SORCS3: variants seen among roughly 807,000 people sequenced by gnomAD.
SORCS3 encodes VPS10 domain-containing receptor SorCS3.
SORCS3 carries 57 observed loss-of-function variants against 146.3 expected under a neutral mutation model. The ratio of observed to expected loss-of-function variants is 0.39; its 90% CI spans 0.31 to 0.49. The LOEUF is 0.49. Ranked by LOEUF, SORCS3 falls within the 20% of genes least tolerant of loss-of-function variation. SORCS3 has a pLI of 0.92. For missense variants in SORCS3, 1,341 were observed against 1,575.5 expected (o/e 0.85, Z 2.52); for synonymous variants, 653 against 618.5 (o/e 1.06, Z -0.83).
At position 104,887,966 on chromosome 10, in the gene SORCS3, GC is replaced by G. The variant is rs1352137319; in HGVS notation, c.696-27866del. Among the ~76,000 whole-genome samples the G allele has an allele frequency of 8.4e-3, 984 of 117,702 alleles. 65 individuals carry two copies. Among genetic ancestry groups the G allele is most frequent in the African/African-American group, 0.034 (776 of 22,930 alleles). 77.2% of individuals were successfully genotyped at this position (117,702 alleles called of 152,430 possible). On this transcript the variant is annotated intron_variant, in intron 2 of 26. Transcript: ENST00000369701. ...CCAGCAACATGGTGGGGGCGGGGGG[GC>G]GGGGGCGGAGCAAGCCCATGAAGAC...
chr10:104,860,725 T>C (rs1216020334), intron 2 of SORCS3, among the ~76,000 whole-genome samples: 2 of 152,102 alleles, frequency 1.3e-5, no homozygotes, highest in Non-Finnish European at 2.9e-5. Context: ...TAAAAATAGG[T>C]AAACACTGTT....
chr10:104,958,805 T>C (rs1229405411), intron 3 of SORCS3, among the ~76,000 whole-genome samples: 2 of 152,048 alleles, frequency 1.3e-5, no homozygotes, highest in African/African-American at 4.8e-5. Context: ...GAACTTACAA[T>C]GATGGTGGAA....
chr10:105,086,797 A>G (rs2055663752), intron 5 of SORCS3, among the ~76,000 whole-genome samples: 1 of 152,226 alleles, frequency 6.6e-6, no homozygotes, highest in African/African-American at 2.4e-5. Context: ...TTGCTTGTAG[A>G]TTCTTGATAT....
intron 2 of SORCS3, among the ~76,000 whole-genome samples, chr10:104,857,409 G>T (rs930513052): frequency 1.3e-5 from 2 of 152,094 alleles, no homozygotes; most frequent in Non-Finnish European, 2.9e-5. Context: ...GGGAGAAATT[G>T]TAAGCAAGGA....
intron 1 of SORCS3, among the ~76,000 whole-genome samples, chr10:104,787,782 C>T (rs750329): frequency 0.024 from 3,661 of 152,230 alleles, 160 homozygotes; most frequent in African/African-American, 0.083. Context: ...ACCCTGGCCC[C>T]GAATCCCCAG....
intron 1 of SORCS3, among the ~76,000 whole-genome samples, chr10:104,755,237 ATACAGCTG>A (rs2017036675): frequency 6.6e-6 from 1 of 152,238 alleles, no homozygotes; most frequent in Non-Finnish European, 1.5e-5. Flanking sequence ...TCAATGATTC[ATACAGCTG>A]TTCTGCAAGG....
At chr10:104,778,835 C>G (rs1490994775) in intron 1 of SORCS3, among the ~76,000 whole-genome samples, 1 of 152,060 alleles carries the variant, frequency 6.6e-6, no homozygotes, top group African/African-American at 2.4e-5. Flanking sequence ...TGTGGACCTG[C>G]AAAAGGTCCA....
intron 1 of SORCS3, among the ~76,000 whole-genome samples, chr10:104,841,623 G>A (rs534378625): frequency 6.6e-6 from 1 of 152,236 alleles, no homozygotes; most frequent in South Asian, 2.1e-4. Flanking sequence ...GCATTTTGTT[G>A]TTAGTTAAGT....
chr10:104,913,276 G>T (rs556177804), intron 2 of SORCS3, among the ~76,000 whole-genome samples: 1 of 152,146 alleles, frequency 6.6e-6, no homozygotes, highest in Non-Finnish European at 1.5e-5. Flanking sequence ...TTGGGGGATC[G>T]TTGAAACATG....
intron 9 of SORCS3, among the ~76,000 whole-genome samples, chr10:105,155,814 G>A (rs2056203665): frequency 6.6e-6 from 1 of 152,100 alleles, no homozygotes; most frequent in Non-Finnish European, 1.5e-5. Flanking sequence ...CAATTCCATT[G>A]TTGGCCCTTT....
intron 14 of SORCS3, among the ~76,000 whole-genome samples, chr10:105,194,090 G>A (rs1383733025): frequency 6.6e-6 from 1 of 152,034 alleles, no homozygotes; most frequent in Non-Finnish European, 1.5e-5. Context: ...CATTTATTTT[G>A]TTCCTGTGGT....
At chr10:105,126,987 C>G (rs940176890) in intron 7 of SORCS3, among the ~76,000 whole-genome samples, 10 of 152,076 alleles carry the variant, frequency 6.6e-5, no homozygotes, top group African/African-American at 1.2e-4. Flanking sequence ...GGTGACAGCT[C>G]CATGACCCAT....
At chr10:105,163,678 C>T (rs1286987696) in intron 11 of SORCS3, among the ~76,000 whole-genome samples, 1 of 152,108 alleles carries the variant, frequency 6.6e-6, no homozygotes, top group African/African-American at 2.4e-5. Flanking sequence ...ATGGAAGCAG[C>T]AAGTATGGTT....
chr10:105,254,695 A>G (rs1341013644), intron 23 of SORCS3, among the ~76,000 whole-genome samples: 2 of 151,882 alleles, frequency 1.3e-5, no homozygotes, highest in Non-Finnish European at 2.9e-5. Context: ...GCTACTCAGG[A>G]GGCTGAGGCA....
chr10:105,095,975 T>G (rs1297116525), intron 6 of SORCS3, among the ~76,000 whole-genome samples: 1 of 152,142 alleles, frequency 6.6e-6, no homozygotes, highest in Non-Finnish European at 1.5e-5. Context: ...TACGCAAATA[T>G]TAATATAGAA....
intron 4 of SORCS3, among the ~76,000 whole-genome samples, chr10:105,025,457 A>G (rs1377675912): frequency 2.0e-5 from 3 of 152,088 alleles, no homozygotes; most frequent in Non-Finnish European, 4.4e-5. Context: ...TCTAGAAGCA[A>G]TTTAATCATC....
At chr10:104,708,815 A>G (rs1409230477) in intron 1 of SORCS3, among the ~76,000 whole-genome samples, 1 of 152,180 alleles carries the variant, frequency 6.6e-6, no homozygotes. Flanking sequence ...TTGCCAGCTC[A>G]TGCTTTGCTC....
At chr10:105,070,837 A>T (rs529872496) in intron 5 of SORCS3, among the ~76,000 whole-genome samples, 9 of 152,212 alleles carry the variant, frequency 5.9e-5, no homozygotes, top group Non-Finnish European at 1.3e-4. Flanking sequence ...AGCAGAATTC[A>T]TTCTCAGCAA....
chr10:104,707,673 G>A (rs1470936616), intron 1 of SORCS3, among the ~76,000 whole-genome samples: 1 of 152,200 alleles, frequency 6.6e-6, no homozygotes, highest in East Asian at 1.9e-4. Context: ...CCATGCAGGG[G>A]TTGAGATACC....
Sources: allele counts gnomAD v4.1 joint callset (sites outside exome capture counted in the v4.1 genomes callset), GRCh38; gene constraint gnomAD v4.1.1; transcripts MANE v1.5; gene names NCBI Gene and HGNC (gene_info 2026-07-23, HGNC 2026-07-21).